Variants in DPP6 observed in about 807,000 individuals in gnomAD.
DPP6 encodes the protein dipeptidyl peptidase like 6.
A neutral mutation model predicts 122.6 loss-of-function variants in DPP6; 69 were observed. The observed-to-expected ratio is 0.56, with a 90% CI of 0.46 to 0.69. DPP6 has a LOEUF of 0.69. Among genes scored for constraint, DPP6 ranks in the 30% least tolerant of loss-of-function variants. DPP6 has a pLI of 0.00. For synonymous variants in DPP6, 418 were observed against 433.1 expected, an observed-to-expected ratio of 0.97 and a Z score of 0.43; for missense variants, 928 against 1,116.9, an observed-to-expected ratio of 0.83 and a Z score of 2.41.
At chr7:153,850,897 T>C in the DPP6 span, among the ~76,000 whole-genome samples, 1 of 152,186 alleles carries the variant, frequency 6.6e-6, no homozygotes, top group African/African-American at 2.4e-5. Context: ...AGCCAAAGCA[T>C]ATCAGAAGAC....
chr7:154,110,344 G>A (rs1325140117), intron 1 of DPP6, among the ~76,000 whole-genome samples: 1 of 152,126 alleles, frequency 6.6e-6, no homozygotes, highest in Non-Finnish European at 1.5e-5. Context: ...CCTTTACTAA[G>A]GAGTTGTGTT....
chr7:154,166,643 G>A lies in DPP6; in HGVS notation c.243+113580G>A, dbSNP rs1378614318. The stretch of plus-strand genomic sequence containing the variant: ...AAGTTTTCATATGGCCGGGCTCAGT[G>A]GCTCATGCTGTAATCCCGGCAATTT... On this transcript the variant is annotated intron_variant, in intron 1 of 25. Transcript: ENST00000377770. 1.4e-5 allele frequency among the ~76,000 whole-genome samples: 2 copies of A among 142,492 alleles called. 1 individual carries two copies. The highest frequency in any genetic ancestry group is 3.0e-5 in the Non-Finnish European group (2 of 67,292). The allele number at this position is 142,492 out of a possible 152,430, so 93.5% of individuals were successfully genotyped here.
intron 23 of DPP6, among the ~76,000 whole-genome samples, chr7:154,888,665 C>T (rs550308570): frequency 3.9e-5 from 6 of 152,292 alleles, no homozygotes; most frequent in South Asian, 4.1e-4. Flanking sequence ...TTTTTCCCTT[C>T]TTCTCTTCCA....
At chr7:154,078,608 A>G (rs1337184260) in intron 1 of DPP6, among the ~76,000 whole-genome samples, 4 of 152,184 alleles carry the variant, frequency 2.6e-5, no homozygotes, top group African/African-American at 7.2e-5. Context: ...TGAAAATTAG[A>G]AACCACTGTA....
rs530200893 is a variant in DPP6, at chr7:154,083,468, C to A, written c.243+30405C>A. ...GCGTTGCCATCCTCCCTACCCACCT[C>A]TGAGTCTCTGGTTCCTGGTCACCCA... On this transcript the variant is annotated intron_variant, in intron 1 of 25. Transcript: ENST00000377770. 2.5e-4 allele frequency among the ~76,000 whole-genome samples: 38 copies of A among 150,990 alleles called. No homozygotes were observed. In the South Asian group the frequency reaches 7.8e-3, roughly 31 times the overall value.
chr7:154,246,874 T>C (rs1211576504), intron 1 of DPP6, among the ~76,000 whole-genome samples: 1 of 152,148 alleles, frequency 6.6e-6, no homozygotes, highest in East Asian at 1.9e-4. Context: ...AGGAAGCATG[T>C]GGAAGAAAAT....
chr7:153,842,840 C>A, the DPP6 span, among the ~76,000 whole-genome samples: 3 of 152,200 alleles, frequency 2.0e-5, no homozygotes, highest in African/African-American at 7.2e-5. Context: ...TTTTAGAACA[C>A]AGGAGGTGTT....
intron 7 of DPP6, among the ~76,000 whole-genome samples, chr7:154,683,080 A>G (rs1839383726): frequency 6.6e-6 from 1 of 152,124 alleles, no homozygotes; most frequent in Admixed American, 6.5e-5. Flanking sequence ...TTTGTTCTTC[A>G]GTTTGAAAAC....
chr7:154,297,153 A>G (rs1191593139), intron 1 of DPP6, among the ~76,000 whole-genome samples: 1 of 146,696 alleles, frequency 6.8e-6, no homozygotes, highest in Non-Finnish European at 1.5e-5. Context: ...GAATTGTGGT[A>G]CTGAGTGAAA....
At chr7:154,169,752 A>AT (rs886991878) in intron 1 of DPP6, among the ~76,000 whole-genome samples, 6 of 152,166 alleles carry the variant, frequency 3.9e-5, no homozygotes, top group African/African-American at 1.4e-4. Flanking sequence ...ATTATTTGAG[A>AT]TGGAGTCTCA....
chr7:154,482,589 A>G (rs1436371547), intron 3 of DPP6, among the ~76,000 whole-genome samples: 1 of 152,232 alleles, frequency 6.6e-6, no homozygotes, highest in African/African-American at 2.4e-5. Flanking sequence ...ACATATATTG[A>G]ATAATACTAA....
the DPP6 span, among the ~76,000 whole-genome samples, chr7:153,765,762 CA>C: frequency 6.6e-6 from 1 of 152,146 alleles, no homozygotes; most frequent in African/African-American, 2.4e-5. Context: ...GTCGCCTCAC[CA>C]AAGTGGAAAA....
upstream of DPP6, among the ~76,000 whole-genome samples, chr7:153,882,356 G>A (rs537137733): frequency 2.0e-5 from 3 of 152,282 alleles, no homozygotes; most frequent in East Asian, 3.9e-4. Context: ...ATGTCACGTT[G>A]ACTGTCGCTT....
chr7:153,905,585 A>G (rs922953848), intron 1 of DPP6, among the ~76,000 whole-genome samples: 1 of 152,116 alleles, frequency 6.6e-6, no homozygotes, highest in Non-Finnish European at 1.5e-5. Flanking sequence ...AATTAAAAAT[A>G]TTTCTTAAAG....
chr7:153,808,541 T>C, the DPP6 span, among the ~76,000 whole-genome samples: 2 of 152,032 alleles, frequency 1.3e-5, no homozygotes, highest in Non-Finnish European at 2.9e-5. Flanking sequence ...GCAGAGCTTA[T>C]TCAGCTTCTA....
the DPP6 span, among the ~76,000 whole-genome samples, chr7:153,787,994 G>C: frequency 1.0e-3 from 154 of 152,066 alleles, no homozygotes; most frequent in Non-Finnish European, 1.7e-3. Context: ...GTCCTCATCA[G>C]ACTGGCTAGA....
At chr7:154,867,236 T>C (rs1286210915) in intron 17 of DPP6, among the ~76,000 whole-genome samples, 1 of 152,170 alleles carries the variant, frequency 6.6e-6, no homozygotes, top group Non-Finnish European at 1.5e-5. Context: ...CGTCAGATGG[T>C]GAAATGAAAC....
intron 1 of DPP6, among the ~76,000 whole-genome samples, chr7:154,272,653 AG>A (rs1803871267): frequency 6.6e-6 from 1 of 152,110 alleles, no homozygotes; most frequent in African/African-American, 2.4e-5. Context: ...TAGCCCCAGG[AG>A]TGTTGAGGGG....
intron 1 of DPP6, among the ~76,000 whole-genome samples, chr7:154,332,478 C>T (rs1331845153): frequency 6.6e-6 from 1 of 152,264 alleles, no homozygotes; most frequent in Non-Finnish European, 1.5e-5. Flanking sequence ...GCGTCTCTCA[C>T]GGGCTCCCAG....
Sources: gnomAD v4.1 joint callset for allele counts (sites outside exome capture counted in the v4.1 genomes callset) on GRCh38, gnomAD v4.1.1 for gene constraint, MANE v1.5 for transcripts, NCBI Gene and HGNC (gene_info 2026-07-23, HGNC 2026-07-21) for gene names.